Variants in CRB1 observed in about 807,000 individuals in gnomAD.
CRB1 encodes protein crumbs homolog 1.
A neutral mutation model predicts 120.0 loss-of-function variants in CRB1; 83 were observed. The observed-to-expected ratio is 0.69, with a 90% CI of 0.58 to 0.83. The LOEUF (loss-of-function observed/expected upper bound fraction) is 0.83. Among genes scored for constraint, CRB1 ranks in the 40% least tolerant of loss-of-function variants. The pLI, the probability that CRB1 is intolerant of heterozygous loss-of-function variation, is 0.00. For missense variants in CRB1, 1,699 were observed against 1,687.6 expected, an observed-to-expected ratio of 1.01 and a Z score of -0.12; for synonymous variants, 625 against 612.5, an observed-to-expected ratio of 1.02 and a Z score of -0.30.
At chr1:197,459,053 T>A (rs918461675) in intron 11 of CRB1, among the ~76,000 whole-genome samples, 1 of 151,874 alleles carries the variant, frequency 6.6e-6, no homozygotes, top group African/African-American at 2.4e-5. Context: ...AAAGATGTGA[T>A]AGTGGGAAAA....
intron 5 of CRB1, among the ~76,000 whole-genome samples, chr1:197,397,372 G>A (rs920849403): frequency 6.6e-6 from 1 of 152,106 alleles, no homozygotes; most frequent in Non-Finnish European, 1.5e-5. Flanking sequence ...TGGCAGGGAT[G>A]TAAAATGGAA....
chr1:197,478,021 A>G lies in CRB1; in HGVS notation c.*142A>G. The G allele has an allele frequency of 1.1e-6, 1 of 886,846 alleles. No individual in the cohort carries two copies. Among genetic ancestry groups the G allele is most frequent in the South Asian group, 1.4e-5 (1 of 70,556 alleles). 54.9% of individuals were successfully genotyped at this position (886,846 alleles called of 1,614,324 possible). ...CAGGAATGATTCCTTTGACCACCTTAAAAACTTTCACAGTGGTTCCGCTCG... is the reference window on the plus strand; with the variant it reads ...CAGGAATGATTCCTTTGACCACCTTGAAAACTTTCACAGTGGTTCCGCTCG... On this transcript the variant is annotated 3_prime_UTR_variant, in exon 12 of 12. Coordinates refer to ENST00000367400, the MANE Select transcript of CRB1 (RefSeq NM_201253.3).
chr1:197,399,341 G>A (rs1410147052), intron 5 of CRB1, among the ~76,000 whole-genome samples: 3 of 152,162 alleles, frequency 2.0e-5, no homozygotes, highest in East Asian at 3.9e-4. Flanking sequence ...TGTGGAACAT[G>A]AGTGTTTTTT....
At chr1:197,420,677 T>A (rs1664256740) in intron 5 of CRB1, among the ~76,000 whole-genome samples, 1 of 152,212 alleles carries the variant, frequency 6.6e-6, no homozygotes, top group African/African-American at 2.4e-5. Flanking sequence ...CCAAGAGCGA[T>A]CTTTTTTCTT....
rs370036278 is a variant in CRB1 at position 197,380,623 on chromosome 1, A to C, written c.1171+23610A>C. Among the ~76,000 whole-genome samples the C allele has an allele frequency of 7.2e-5, 11 of 152,318 alleles. No homozygotes were observed. The East Asian group carries it at 1.7e-3, about 24-fold the overall frequency. On this transcript the variant is annotated intron_variant, in intron 5 of 11. Coordinates refer to ENST00000367400, the MANE Select transcript of CRB1 (RefSeq NM_201253.3). ...TCTCATAGTGCTCTTAGTAGGAAAA[A>C]TGAGAGACACAAGCACCAAGCTGGG...
chr1:197,286,247 A>G (rs879836911), intron 1 of CRB1, among the ~76,000 whole-genome samples: 3 of 151,958 alleles, frequency 2.0e-5, no homozygotes, highest in African/African-American at 4.8e-5. Context: ...TCTTTTCCCA[A>G]TAGCAATCGT....
chr1:197,222,859 C>T, the CRB1 span: 113 of 1,511,586 alleles, frequency 7.5e-5, no homozygotes, highest in Non-Finnish European at 1.0e-4. Flanking sequence ...CTGGAGCTGG[C>T]AGGTTTGGAT....
At chr1:197,448,037 A>G (rs955224943) in intron 11 of CRB1, among the ~76,000 whole-genome samples, 1 of 152,072 alleles carries the variant, frequency 6.6e-6, no homozygotes, top group Non-Finnish European at 1.5e-5. Context: ...ACTTTTTTAA[A>G]TCTTACAAAT....
chr1:197,429,626 T>G lies in CRB1; in HGVS notation c.2842+12T>G. On this transcript the variant is annotated intron_variant, in intron 8 of 11. Coordinates refer to ENST00000367400, the MANE Select transcript of CRB1 (RefSeq NM_201253.3). ...TCAAGGATTTGAATGTAGGTAGAGTTCAAACCTACCATCTCACCAGTTAAG... is the reference window on the plus strand; with the variant it reads ...TCAAGGATTTGAATGTAGGTAGAGTGCAAACCTACCATCTCACCAGTTAAG... The G allele has an allele frequency of 3.7e-6, 6 of 1,613,410 alleles. No homozygotes were observed. The highest frequency in any genetic ancestry group is 5.1e-6 in the Non-Finnish European group (6 of 1,179,486).
chr1:197,470,671 A>G (rs1571629907), intron 11 of CRB1, among the ~76,000 whole-genome samples: 1 of 152,238 alleles, frequency 6.6e-6, no homozygotes, highest in Non-Finnish European at 1.5e-5. Flanking sequence ...AGCTGCATCT[A>G]TGCTTCTGCC....
At chr1:197,443,334 T>C (rs1171616999) in intron 11 of CRB1, 2 of 152,020 alleles carry the variant, frequency 1.3e-5, no homozygotes, top group African/African-American at 4.8e-5. Flanking sequence ...CCTGGTATAA[T>C]TTCTGATTCC....
rs189592251 is a variant in CRB1 at position 197,313,209 on chromosome 1, C to T, written c.71-15213C>T. Among the ~76,000 whole-genome samples the T allele has an allele frequency of 3.9e-4, 60 of 152,316 alleles. 2 individuals are homozygous for T. In the South Asian group the frequency reaches 0.012, roughly 31 times the overall value. Reference sequence around the variant, plus strand: ...GATTTTGTGAGCACTCACTCACTATCACAAGAACATCATGGGGGAAATCTG... The same window carrying T: ...GATTTTGTGAGCACTCACTCACTATTACAAGAACATCATGGGGGAAATCTG... On this transcript the variant is annotated intron_variant, in intron 1 of 11. Transcript: ENST00000367400.
chr1:197,460,085 A>G (rs898688938), intron 11 of CRB1, among the ~76,000 whole-genome samples: 2 of 132,560 alleles, frequency 1.5e-5, no homozygotes, highest in African/African-American at 5.7e-5. Context: ...TTTTAGACCT[A>G]TGATGCTCTC....
intron 1 of CRB1, among the ~76,000 whole-genome samples, chr1:197,298,787 TG>T (rs1324981698): frequency 6.6e-6 from 1 of 152,022 alleles, no homozygotes; most frequent in Non-Finnish European, 1.5e-5. Flanking sequence ...ACAGAACAAA[TG>T]GCATTAAAAT....
intron 11 of CRB1, among the ~76,000 whole-genome samples, chr1:197,462,460 C>T (rs1384931043): frequency 6.6e-6 from 1 of 152,100 alleles, no homozygotes; most frequent in East Asian, 1.9e-4. Context: ...TTCCCCTATG[C>T]TTCTGGAAAC....
At chr1:197,354,296 G>A (rs547537243) in intron 4 of CRB1, among the ~76,000 whole-genome samples, 2 of 152,180 alleles carry the variant, frequency 1.3e-5, no homozygotes, top group African/African-American at 4.8e-5. Flanking sequence ...GGCATAAACT[G>A]TAGGGTTAAA....
At chr1:197,222,442 T>C in the CRB1 span, 19 of 768,624 alleles carry the variant, frequency 2.5e-5, no homozygotes, top group South Asian at 2.6e-4. Flanking sequence ...ACCGTCATGG[T>C]GATGGTGAAG....
intron 1 of CRB1, among the ~76,000 whole-genome samples, chr1:197,301,186 G>T (rs1287675034): frequency 2.0e-5 from 3 of 147,314 alleles, no homozygotes; most frequent in Non-Finnish European, 3.0e-5. Flanking sequence ...TTTTTTTTAA[G>T]ACCGAGTATC....
intron 5 of CRB1, among the ~76,000 whole-genome samples, chr1:197,388,504 C>T (rs923452363): frequency 6.6e-6 from 1 of 152,022 alleles, no homozygotes; most frequent in South Asian, 2.1e-4. Context: ...TGAAATAGAG[C>T]CACAGCACTT....
Sources: allele counts gnomAD v4.1 joint callset (sites outside exome capture counted in the v4.1 genomes callset), GRCh38; gene constraint gnomAD v4.1.1; transcripts MANE v1.5; gene names NCBI Gene and HGNC (gene_info 2026-07-23, HGNC 2026-07-21).